SEMA6D: variants seen among roughly 807,000 people sequenced by gnomAD.
SEMA6D encodes the protein semaphorin-6D.
A neutral mutation model predicts 106.6 loss-of-function variants in SEMA6D; 35 were observed. The observed-to-expected ratio is 0.33, with a 90% CI of 0.25 to 0.44. The LOEUF (loss-of-function observed/expected upper bound fraction) is 0.44. Among genes scored for constraint, SEMA6D ranks in the 20% least tolerant of loss-of-function variants. The pLI is 1.00. For synonymous variants in SEMA6D, 499 were observed against 487.7 expected, an observed-to-expected ratio of 1.02 and a Z score of -0.31; for missense variants, 1,185 against 1,345.9, an observed-to-expected ratio of 0.88 and a Z score of 1.87.
intron 3 of SEMA6D, among the ~76,000 whole-genome samples, chr15:47,571,777 T>G (rs1256613668): frequency 6.6e-6 from 1 of 152,186 alleles, no homozygotes; most frequent in African/African-American, 2.4e-5. Context: ...TGCCCAAATT[T>G]TGGTTAAATT....
intron 1 of SEMA6D, among the ~76,000 whole-genome samples, chr15:47,404,391 A>C (rs1415805005): frequency 6.6e-6 from 1 of 152,046 alleles, no homozygotes; most frequent in Non-Finnish European, 1.5e-5. Flanking sequence ...CATTTTATCA[A>C]AGAGAGACCT....
At chr15:47,355,924 A>G (rs1450271636) in intron 1 of SEMA6D, among the ~76,000 whole-genome samples, 2 of 152,208 alleles carry the variant, frequency 1.3e-5, no homozygotes, top group African/African-American at 2.4e-5. Context: ...CTCTGTTTAC[A>G]GTATTTCTAA....
In SEMA6D at chr15:47,694,291, A is replaced by AATT. The variant is rs572913918; in HGVS notation, c.-54-65451_-54-65449dup. On this transcript the variant is annotated intron_variant, in intron 4 of 19. Coordinates refer to the SEMA6D transcript ENST00000558014. ...GTTAGAAGGTCAAGAGAATCTGAAA[A>AATT]ATTATGGGACCTTCCCACACACATA... Among the ~76,000 whole-genome samples, 712 of 152,236 alleles carry AATT rather than the reference A, an allele frequency of 4.7e-3. 7 individuals are homozygous for AATT. The highest frequency in any genetic ancestry group is 7.1e-3 in the Non-Finnish European group (485 of 68,006).
chr15:47,276,213 A>G (rs1427514943), intron 1 of SEMA6D, among the ~76,000 whole-genome samples: 1 of 152,184 alleles, frequency 6.6e-6, no homozygotes, highest in African/African-American at 2.4e-5. Flanking sequence ...TGAAGCAGCA[A>G]ATGCCCATGG....
At chr15:47,207,480 C>G (rs1323805794) in intron 1 of SEMA6D, among the ~76,000 whole-genome samples, 1 of 152,238 alleles carries the variant, frequency 6.6e-6, no homozygotes, top group Non-Finnish European at 1.5e-5. Flanking sequence ...TAATACTGAC[C>G]TAGAAACCTA....
At chr15:47,237,298 T>A (rs1473164069) in intron 1 of SEMA6D, among the ~76,000 whole-genome samples, 1 of 152,176 alleles carries the variant, frequency 6.6e-6, no homozygotes, top group Non-Finnish European at 1.5e-5. Context: ...ACCATTTTAC[T>A]TTATTGGTTC....
chr15:47,509,281 C>T (rs1462917250), intron 3 of SEMA6D, among the ~76,000 whole-genome samples: 1 of 149,896 alleles, frequency 6.7e-6, no homozygotes, highest in East Asian at 2.2e-4. Context: ...ACACTGTGCC[C>T]AAACTGGGAC....
intron 1 of SEMA6D, among the ~76,000 whole-genome samples, chr15:47,241,911 C>T (rs1420445604): frequency 6.6e-6 from 1 of 152,040 alleles, no homozygotes; most frequent in Non-Finnish European, 1.5e-5. Flanking sequence ...ATTTCTGGCC[C>T]TTGTCCTTTG....
intron 1 of SEMA6D, among the ~76,000 whole-genome samples, chr15:47,362,716 C>A (rs1209432604): frequency 6.6e-6 from 1 of 152,108 alleles, no homozygotes; most frequent in African/African-American, 2.4e-5. Context: ...CATAATGAAG[C>A]CCCCACAGTG....
At chr15:47,257,511 G>A (rs1471955195) in intron 1 of SEMA6D, among the ~76,000 whole-genome samples, 1 of 152,124 alleles carries the variant, frequency 6.6e-6, no homozygotes, top group African/African-American at 2.4e-5. Flanking sequence ...TTTGAACTCA[G>A]TAATATGTGT....
rs145550924 is a variant in SEMA6D, at chr15:47,561,621, G to T, written c.-86-39244G>T. ...AGGATATTTTAAATATAGGTAAATAGAAACAATTCTATAAATGTGTTTTTC... is the reference window on the plus strand; with the variant it reads ...AGGATATTTTAAATATAGGTAAATATAAACAATTCTATAAATGTGTTTTTC... On this transcript the variant is annotated intron_variant, in intron 3 of 19. Transcript: ENST00000558014. Among the ~76,000 whole-genome samples the T allele has an allele frequency of 9.8e-3, 1,477 of 150,974 alleles. 10 individuals are homozygous for T. Among genetic ancestry groups the T allele is most frequent in the Admixed American group, 0.021 (313 of 15,134 alleles).
intron 3 of SEMA6D, among the ~76,000 whole-genome samples, chr15:47,503,708 C>CAG (rs1394433215): frequency 2.6e-5 from 4 of 152,018 alleles, no homozygotes; most frequent in Admixed American, 6.6e-5. Flanking sequence ...CACACACACA[C>CAG]ACACACACAT....
rs1488757573 is a variant in SEMA6D at position 47,190,332 on chromosome 15, A to C, written c.-239+5914A>C. 2.0e-5 allele frequency among the ~76,000 whole-genome samples: 3 copies of C among 152,218 alleles called. No individual in the cohort carries two copies. The East Asian group carries it at 5.8e-4, about 29-fold the overall frequency. ...CGTAAGAGAAATGTTCACACAGGAA[A>C]AGTGAGGAGGAAACTTGAAAATTTA... On this transcript the variant is annotated intron_variant, in intron 1 of 19. Transcript: ENST00000558014.
At chr15:47,665,231 A>G (rs999389128) in intron 4 of SEMA6D, among the ~76,000 whole-genome samples, 1 of 152,180 alleles carries the variant, frequency 6.6e-6, no homozygotes, top group African/African-American at 2.4e-5. Context: ...GGACAAAGAA[A>G]ATCTATTCTC....
At chr15:47,645,577 G>T (rs1200745814) in intron 4 of SEMA6D, among the ~76,000 whole-genome samples, 3 of 151,824 alleles carry the variant, frequency 2.0e-5, no homozygotes, top group Non-Finnish European at 2.9e-5. Flanking sequence ...ATGTGTGGGG[G>T]TTTTTCCCCA....
At chr15:47,733,178 C>T (rs2080237604) in intron 1 of SEMA6D, among the ~76,000 whole-genome samples, 1 of 152,024 alleles carries the variant, frequency 6.6e-6, no homozygotes, top group Non-Finnish European at 1.5e-5. Context: ...GGACAGGTAC[C>T]CACTCACTTT....
chr15:47,667,403 G>A (rs900459908), intron 4 of SEMA6D, among the ~76,000 whole-genome samples: 1 of 152,166 alleles, frequency 6.6e-6, no homozygotes, highest in Admixed American at 6.5e-5. Context: ...GCTTCCTAGA[G>A]GGCTGCCTGA....
intron 4 of SEMA6D, among the ~76,000 whole-genome samples, chr15:47,612,308 T>A (rs890179152): frequency 6.6e-6 from 1 of 152,188 alleles, no homozygotes; most frequent in African/African-American, 2.4e-5. Context: ...AACTTTCTAC[T>A]GAGAAAATAA....
chr15:47,377,607 G>A (rs903512752), intron 1 of SEMA6D, among the ~76,000 whole-genome samples: 1 of 152,200 alleles, frequency 6.6e-6, no homozygotes, highest in Admixed American at 6.5e-5. Context: ...AGGATTAGAC[G>A]TTGTCAGTAG....
Sources: gnomAD v4.1 joint callset for allele counts (sites outside exome capture counted in the v4.1 genomes callset) on GRCh38, gnomAD v4.1.1 for gene constraint, MANE v1.5 for transcripts, NCBI Gene and HGNC (gene_info 2026-07-23, HGNC 2026-07-21) for gene names.